Variants in SMC6 observed in about 807,000 individuals in gnomAD.
The protein encoded by SMC6 is structural maintenance of chromosomes protein 6.
SMC6 carries 79 observed loss-of-function variants against 142.2 expected under a neutral mutation model. The observed-to-expected ratio is 0.56, with a 90% CI of 0.46 to 0.67. The LOEUF (loss-of-function observed/expected upper bound fraction) is 0.67. Ranked by LOEUF, SMC6 falls within the 30% of genes least tolerant of loss-of-function variation. SMC6 has a pLI of 0.00. For synonymous variants in SMC6, 411 were observed against 412.4 expected, an observed-to-expected ratio of 1.00 and a Z score of 0.04; for missense variants, 1,072 against 1,284.0, an observed-to-expected ratio of 0.83 and a Z score of 2.52.
intron 11 of SMC6, among the ~76,000 whole-genome samples, chr2:17,720,204 A>C (rs550153930): frequency 8.5e-5 from 13 of 152,314 alleles, no homozygotes; most frequent in African/African-American, 3.1e-4. Flanking sequence ...AAAGCTGTTC[A>C]AAACAGAAAG....
intron 2 of SMC6, among the ~76,000 whole-genome samples, chr2:17,750,425 G>A (rs1026913844): frequency 1.3e-5 from 2 of 152,150 alleles, no homozygotes; most frequent in Admixed American, 6.5e-5. Context: ...ATCTTTATGA[G>A]ATAAATATTG....
intron 24 of SMC6, among the ~76,000 whole-genome samples, chr2:17,683,087 T>TG (rs1243442767): frequency 6.6e-6 from 1 of 152,172 alleles, no homozygotes; most frequent in Admixed American, 6.5e-5. Flanking sequence ...TGTGATCAGT[T>TG]GGAGTCAATC....
intron 26 of SMC6, 69 bp from the exon 27 acceptor site, chr2:17,666,586 T>C (rs1666505886): frequency 8.7e-6 from 10 of 1,142,902 alleles, no homozygotes; most frequent in Middle Eastern, 1.9e-4. Flanking sequence ...CAGCATTCTG[T>C]GGGCTGATAC....
chr2:17,671,518 A>G (rs1457990126), intron 25 of SMC6, among the ~76,000 whole-genome samples: 1 of 144,090 alleles, frequency 6.9e-6, no homozygotes, highest in Non-Finnish European at 1.5e-5. Context: ...CTGAGGTGGG[A>G]GGATTGCTTG....
At chr2:17,706,999 C>T (rs1056791903) in intron 18 of SMC6, among the ~76,000 whole-genome samples, 1 of 152,134 alleles carries the variant, frequency 6.6e-6, no homozygotes, top group Non-Finnish European at 1.5e-5. Context: ...TGAGGGAATA[C>T]GTTCTGGATT....
chr2:17,752,344 A>G (rs1230548910), intron 2 of SMC6, among the ~76,000 whole-genome samples: 5 of 152,220 alleles, frequency 3.3e-5, no homozygotes, highest in Non-Finnish European at 7.3e-5. Context: ...CTGTTTAGGG[A>G]ATAATGACAA....
At chr2:17,725,606 C>G (rs1431074636) in intron 8 of SMC6, among the ~76,000 whole-genome samples, 1 of 152,116 alleles carries the variant, frequency 6.6e-6, no homozygotes, top group Non-Finnish European at 1.5e-5. Context: ...AAAGAAAACA[C>G]TTCAGGGTGT....
intron 26 of SMC6, among the ~76,000 whole-genome samples, chr2:17,666,916 A>G (rs1666522446): frequency 1.3e-5 from 2 of 152,182 alleles, no homozygotes; most frequent in Non-Finnish European, 2.9e-5. Flanking sequence ...CAGGAACTCA[A>G]GGGTATAGTA....
chr2:17,676,698 C>T (rs1667008329), intron 25 of SMC6, among the ~76,000 whole-genome samples: 1 of 152,140 alleles, frequency 6.6e-6, no homozygotes, highest in Non-Finnish European at 1.5e-5. Flanking sequence ...TATCTCTCCA[C>T]TTATTTAGGT....
chr2:17,728,753 AT>A (rs34420389), intron 7 of SMC6, among the ~76,000 whole-genome samples: 95 of 148,332 alleles, frequency 6.4e-4, no homozygotes, highest in Non-Finnish European at 9.7e-4. Context: ...GTCACACACA[AT>A]TTTTTTTTTT....
At chr2:17,735,781 G>A (rs920266163) in intron 5 of SMC6, among the ~76,000 whole-genome samples, 1 of 152,188 alleles carries the variant, frequency 6.6e-6, no homozygotes, top group Non-Finnish European at 1.5e-5. Context: ...TGAGTCCCAG[G>A]CAATGTCTCA....
intron 18 of SMC6, among the ~76,000 whole-genome samples, chr2:17,706,334 A>G (rs1404509930): frequency 1.3e-5 from 2 of 152,160 alleles, no homozygotes; most frequent in African/African-American, 4.8e-5. Context: ...AGCAAGTGCC[A>G]GAACACCAAG....
At chr2:17,736,796 C>T (rs567747387) in intron 5 of SMC6, among the ~76,000 whole-genome samples, 2 of 151,716 alleles carry the variant, frequency 1.3e-5, no homozygotes, top group East Asian at 1.9e-4. Context: ...CACTTGAACC[C>T]GGGAGGTAGA....
At position 17,685,128 on chromosome 2, in the gene SMC6, GA is replaced by G. The variant is rs60207604; in HGVS notation, c.2679-1366del. Among the ~76,000 whole-genome samples the G allele has an allele frequency of 3.8e-4, 54 of 143,710 alleles. 1 individual carries two copies. In the South Asian group the frequency reaches 6.4e-3, roughly 17 times the overall value. The allele number at this position is 143,710 out of a possible 152,430, so 94.3% of individuals were successfully genotyped here. ...CATAAATGAGAAAATCAAGCAAAAT[GA>G]AAAAAAAAGACAAAATGGTTAGACA... On this transcript the variant is annotated intron_variant, in intron 23 of 27. Coordinates refer to ENST00000448223, the MANE Select transcript of SMC6 (RefSeq NM_001142286.2).
At chr2:17,688,535 A>G (rs1667562574) in intron 23 of SMC6, among the ~76,000 whole-genome samples, 1 of 152,180 alleles carries the variant, frequency 6.6e-6, no homozygotes, top group Non-Finnish European at 1.5e-5. Flanking sequence ...ACTGAACTCC[A>G]GCCTGGACAA....
chr2:17,750,876 A>C (rs767392649), intron 2 of SMC6, among the ~76,000 whole-genome samples: 1 of 151,602 alleles, frequency 6.6e-6, no homozygotes, highest in Non-Finnish European at 1.5e-5. Flanking sequence ...TTGGTGGCGC[A>C]TGCCTGTAAT....
intron 17 of SMC6, 54 bp from the exon 18 acceptor site, chr2:17,707,433 T>C (rs1668561229): frequency 8.2e-7 from 1 of 1,217,500 alleles, no homozygotes; most frequent in Non-Finnish European, 1.1e-6. Flanking sequence ...ATTTTTCTGA[T>C]GTACAGAATT....
chr2:17,719,336 AAC>A (rs1284893715), intron 11 of SMC6, among the ~76,000 whole-genome samples: 2 of 152,232 alleles, frequency 1.3e-5, no homozygotes, highest in African/African-American at 4.8e-5. Flanking sequence ...CCTTCCATTT[AAC>A]AGTCATTCTA....
chr2:17,683,675 T>C lies in SMC6; in HGVS notation c.2767A>G (p.Met923Val), dbSNP rs1667328557. The C allele has an allele frequency of 1.2e-6, 2 of 1,612,416 alleles. No individual in the cohort carries two copies. Among genetic ancestry groups the C allele is most frequent in the Non-Finnish European group, 8.5e-7 (1 of 1,178,662 alleles). ...KKFIKLLGEIMEHRFKTYQQF... is the reference protein window; with the variant it reads ...KKFIKLLGEIVEHRFKTYQQF... ...TGATATGTCTTGAATCTGTGCTCCA[T>C]GATTTCTCCCAGTAATTTAATAAAC... Residue 923 changes from methionine to valine, a missense_variant, in exon 24 of 28, where the codon ATG becomes GTG. Around this residue, in one of 3 missense-constraint regions of SMC6, gnomAD observed 994 missense variants for 1,153.2 expected, o/e 0.86. Coordinates refer to ENST00000448223, the MANE Select transcript of SMC6 (RefSeq NM_001142286.2).
Sources: allele counts gnomAD v4.1 joint callset (sites outside exome capture counted in the v4.1 genomes callset), GRCh38; gene constraint gnomAD v4.1.1; regional missense constraint gnomAD v4.1.1; transcripts MANE v1.5; gene names NCBI Gene and HGNC (gene_info 2026-07-23, HGNC 2026-07-21).